The following KCND2 variants were observed in gnomAD, a reference collection of about 807,000 sequenced individuals.
KCND2 encodes the protein potassium voltage-gated channel subfamily D member 2.
KCND2 carries 16 observed loss-of-function variants against 54.4 expected under a neutral mutation model. That is an observed-to-expected ratio of 0.29 (90% CI 0.20 to 0.45). The LOEUF is 0.45. Among genes scored for constraint, KCND2 ranks in the 20% least tolerant of loss-of-function variants. The pLI is 1.00. For missense variants in KCND2, 486 were observed against 824.2 expected, an observed-to-expected ratio of 0.59 and a Z score of 5.02; for synonymous variants, 317 against 310.7, an observed-to-expected ratio of 1.02 and a Z score of -0.21.
intron 1 of KCND2, among the ~76,000 whole-genome samples, chr7:120,355,275 C>T (rs1284242110): frequency 6.6e-6 from 1 of 152,206 alleles, no homozygotes; most frequent in African/African-American, 2.4e-5. Flanking sequence ...AGGCCAGGTA[C>T]AGTGGCTCAT....
intron 1 of KCND2, among the ~76,000 whole-genome samples, chr7:120,303,735 A>G (rs1334276629): frequency 6.6e-6 from 1 of 152,198 alleles, no homozygotes; most frequent in Non-Finnish European, 1.5e-5. Context: ...GAGAGAATGT[A>G]TCTCTCTACT....
intron 1 of KCND2, among the ~76,000 whole-genome samples, chr7:120,455,456 A>T (rs1303884180): frequency 6.6e-6 from 1 of 152,154 alleles, no homozygotes; most frequent in Non-Finnish European, 1.5e-5. Flanking sequence ...GAGAATAATC[A>T]TTCAACCCAA....
At chr7:120,432,312 A>G (rs1041763041) in intron 1 of KCND2, among the ~76,000 whole-genome samples, 3 of 152,190 alleles carry the variant, frequency 2.0e-5, no homozygotes, top group African/African-American at 7.2e-5. Flanking sequence ...TTATAGTAGT[A>G]TATGTACATT....
intron 1 of KCND2, among the ~76,000 whole-genome samples, chr7:120,652,135 G>T (rs1167255617): frequency 4.2e-4 from 63 of 151,704 alleles, no homozygotes; most frequent in Admixed American, 4.1e-3. Context: ...GAGTGCAGTG[G>T]CACAGTCTTG....
intron 1 of KCND2, among the ~76,000 whole-genome samples, chr7:120,286,320 T>A (rs1477840170): frequency 6.6e-6 from 1 of 151,912 alleles, no homozygotes. Context: ...GATGTGTAAA[T>A]CAATATTATA....
intron 1 of KCND2, among the ~76,000 whole-genome samples, chr7:120,279,615 C>T (rs576884921): frequency 1.5e-4 from 22 of 151,722 alleles, no homozygotes; most frequent in Admixed American, 5.3e-4. Flanking sequence ...AATACGGTGG[C>T]GTTACATCTT....
At chr7:120,356,172 T>G (rs1263416080) in intron 1 of KCND2, among the ~76,000 whole-genome samples, 2 of 152,120 alleles carry the variant, frequency 1.3e-5, no homozygotes, top group Non-Finnish European at 2.9e-5. Context: ...ACCTAATTTT[T>G]TATGCCAACC....
At chr7:120,616,621 G>A (rs140471000) in intron 1 of KCND2, among the ~76,000 whole-genome samples, 53 of 152,044 alleles carry the variant, frequency 3.5e-4, no homozygotes, top group African/African-American at 1.2e-3. Context: ...TACTTTGTAG[G>A]GACCAATAAT....
chr7:120,370,046 G>A (rs1209527557), intron 1 of KCND2, among the ~76,000 whole-genome samples: 10 of 151,962 alleles, frequency 6.6e-5, no homozygotes, highest in African/African-American at 2.2e-4. Context: ...CAACACAAAA[G>A]GATGGTCTGT....
intron 1 of KCND2, among the ~76,000 whole-genome samples, chr7:120,335,349 C>A (rs1334688379): frequency 5.9e-5 from 4 of 68,120 alleles, no homozygotes; most frequent in African/African-American, 1.7e-4. Context: ...CAGAGCAAGA[C>A]TCTATCAAAA....
intron 1 of KCND2, among the ~76,000 whole-genome samples, chr7:120,564,203 A>G (rs188561381): frequency 9.3e-4 from 142 of 152,310 alleles, no homozygotes; most frequent in African/African-American, 3.3e-3. Context: ...AATATATGCT[A>G]TATTGTTGAA....
intron 1 of KCND2, among the ~76,000 whole-genome samples, chr7:120,426,697 C>T (rs1801713257): frequency 6.7e-6 from 1 of 149,854 alleles, no homozygotes; most frequent in African/African-American, 2.5e-5. Context: ...TCTCAGCTCA[C>T]TGCAAGCTCC....
intron 1 of KCND2, among the ~76,000 whole-genome samples, chr7:120,497,904 G>A (rs1047490940): frequency 6.6e-6 from 1 of 152,094 alleles, no homozygotes; most frequent in Non-Finnish European, 1.5e-5. Flanking sequence ...AAGGAGTGTG[G>A]ATATTAGAGG....
At chr7:120,543,398 G>T (rs1462304549) in intron 1 of KCND2, among the ~76,000 whole-genome samples, 14 of 151,564 alleles carry the variant, frequency 9.2e-5, no homozygotes. Context: ...CCCCTTAAGA[G>T]ATACACACAA....
At chr7:120,744,131 G>A (rs377484249) in intron 4 of KCND2, among the ~76,000 whole-genome samples, 8 of 152,096 alleles carry the variant, frequency 5.3e-5, no homozygotes, top group African/African-American at 1.7e-4. Context: ...ACATGGTGGC[G>A]GGAGCCTGTA....
chr7:120,572,173 A>T (rs1389108581), intron 1 of KCND2, among the ~76,000 whole-genome samples: 2 of 151,628 alleles, frequency 1.3e-5, no homozygotes, highest in Non-Finnish European at 2.9e-5. Flanking sequence ...CCTAACTATG[A>T]ATGCTTTTTT....
chr7:120,514,575 A>G (rs1211063506), intron 1 of KCND2, among the ~76,000 whole-genome samples: 1 of 152,048 alleles, frequency 6.6e-6, no homozygotes. Context: ...TCAGTACACA[A>G]TCATGTGAAG....
In KCND2 at chr7:120,645,037, G is replaced by C. The variant is rs75085054; in HGVS notation, c.1116-87866G>C. On this transcript the variant is annotated intron_variant, in intron 1 of 5. Coordinates refer to ENST00000331113, the MANE Select transcript of KCND2 (RefSeq NM_012281.3). ...CCTTTAATGTCTCTCTGTGCCTACT[G>C]CAATGATATGTATTCAGACAGCATG... Among the ~76,000 whole-genome samples the C allele has an allele frequency of 7.8e-3, 1,182 of 152,038 alleles. 13 individuals are homozygous for C. The highest frequency in any genetic ancestry group is 0.026 in the African/African-American group (1,077 of 41,458).
At chr7:120,657,132 T>C (rs893681488) in intron 1 of KCND2, among the ~76,000 whole-genome samples, 3 of 152,194 alleles carry the variant, frequency 2.0e-5, no homozygotes, top group African/African-American at 7.2e-5. Flanking sequence ...TATAGCCGTG[T>C]GTCAAGAAGA....
Sources: allele counts gnomAD v4.1 joint callset (sites outside exome capture counted in the v4.1 genomes callset), GRCh38; gene constraint gnomAD v4.1.1; transcripts MANE v1.5; gene names NCBI Gene and HGNC (gene_info 2026-07-23, HGNC 2026-07-21).